Variants in RNF180 observed in about 807,000 individuals in gnomAD.
RNF180 encodes the protein E3 ubiquitin-protein ligase RNF180.
RNF180 carries 38 observed loss-of-function variants against 59.2 expected under a neutral mutation model. The observed-to-expected ratio is 0.64, with a 90% CI of 0.50 to 0.84. The LOEUF is 0.84. RNF180 is among the 40% of genes least tolerant of loss of function. RNF180 has a pLI of 0.00. For missense variants in RNF180, 705 were observed against 700.9 expected (o/e 1.01, Z -0.07); for synonymous variants, 262 against 240.3 (o/e 1.09, Z -0.84).
At chr5:64,306,549 C>CAATA (rs1743467540) in intron 5 of RNF180, among the ~76,000 whole-genome samples, 1 of 151,340 alleles carries the variant, frequency 6.6e-6, no homozygotes, top group Admixed American at 6.6e-5. Context: ...TGTGACCATA[C>CAATA]AATAGCAAAG....
chr5:64,185,829 G>A (rs1441587764), intron 1 of RNF180, among the ~76,000 whole-genome samples: 2 of 152,180 alleles, frequency 1.3e-5, no homozygotes, highest in African/African-American at 2.4e-5. Flanking sequence ...ATCTGGTGAT[G>A]CAAAGACATA....
At chr5:64,238,292 C>T (rs1742572665) in intron 5 of RNF180, among the ~76,000 whole-genome samples, 1 of 152,144 alleles carries the variant, frequency 6.6e-6, no homozygotes, top group African/African-American at 2.4e-5. Flanking sequence ...AATAGTGCTA[C>T]AGTGAACATA....
chr5:64,182,270 T>C (rs1750638053), intron 1 of RNF180, among the ~76,000 whole-genome samples: 1 of 152,140 alleles, frequency 6.6e-6, no homozygotes, highest in Non-Finnish European at 1.5e-5. Context: ...GGATTACAGC[T>C]ACTTTCTTAA....
chr5:64,269,605 T>A lies in RNF180; in HGVS notation c.1227+52209T>A, dbSNP rs1371740214. Among the ~76,000 whole-genome samples the A allele has an allele frequency of 2.6e-5, 4 of 152,144 alleles. No homozygotes were observed. In the East Asian group the frequency reaches 7.7e-4, roughly 29 times the overall value. ...CTTACTGAAGGCCCTGCTATGTTTGTCTGAGATAAATTACTCTTATAATAA... is the reference window on the plus strand; with the variant it reads ...CTTACTGAAGGCCCTGCTATGTTTGACTGAGATAAATTACTCTTATAATAA... On this transcript the variant is annotated intron_variant, in intron 5 of 7. Coordinates refer to ENST00000389100, the MANE Select transcript of RNF180 (RefSeq NM_001113561.2).
intron 5 of RNF180, among the ~76,000 whole-genome samples, chr5:64,255,966 T>C (rs1332832466): frequency 6.6e-6 from 1 of 152,252 alleles, no homozygotes; most frequent in Non-Finnish European, 1.5e-5. Flanking sequence ...ATGAGCATTT[T>C]TTCATGTGTC....
rs547207828 is a variant in RNF180, at chr5:64,345,284, G to A, written c.1579+14878G>A. Among the ~76,000 whole-genome samples, 8 of 152,216 alleles carry A rather than the reference G, an allele frequency of 5.3e-5. No individual in the cohort carries two copies. The South Asian group carries it at 8.3e-4, about 16-fold the overall frequency. ...TATGAAGGGTGCCCTCTGGAGCTCC[G>A]CAGTGCACAGCAGAAGTGTCCGTAT... On this transcript the variant is annotated intron_variant, in intron 7 of 7. Transcript: ENST00000389100.
intron 5 of RNF180, among the ~76,000 whole-genome samples, chr5:64,258,536 T>C (rs1744126083): frequency 6.6e-6 from 1 of 152,124 alleles, no homozygotes; most frequent in African/African-American, 2.4e-5. Flanking sequence ...ATTAAGGTTT[T>C]TTTTCTTTTA....
chr5:64,254,762 A>C (rs1743827247), intron 5 of RNF180, among the ~76,000 whole-genome samples: 1 of 152,200 alleles, frequency 6.6e-6, no homozygotes, highest in Admixed American at 6.6e-5. Context: ...ATGCCTAAGG[A>C]AATGTATAGA....
chr5:64,239,604 T>C (rs1561210809), intron 5 of RNF180, among the ~76,000 whole-genome samples: 1 of 152,170 alleles, frequency 6.6e-6, no homozygotes, highest in Non-Finnish European at 1.5e-5. Flanking sequence ...TAGAGGTAGC[T>C]GAATTATTAA....
Position 64,315,475 on chromosome 5 carries a change from T to G in RNF180, c.1228-9711T>G, listed in dbSNP as rs1023736884. On this transcript the variant is annotated intron_variant, in intron 5 of 7. Coordinates refer to ENST00000389100, the MANE Select transcript of RNF180 (RefSeq NM_001113561.2). ...AGATGCTTTTACTCGGCCAGCATGGTGGCTCACGCCTGTAATCTCAGCACT... is the reference window on the plus strand; with the variant it reads ...AGATGCTTTTACTCGGCCAGCATGGGGGCTCACGCCTGTAATCTCAGCACT... Among the ~76,000 whole-genome samples, 3 of 152,194 alleles carry G rather than the reference T, an allele frequency of 2.0e-5. No individual in the cohort carries two copies. In the East Asian group the frequency reaches 5.8e-4, roughly 29 times the overall value.
chr5:64,285,574 A>C (rs1159910216), intron 5 of RNF180, among the ~76,000 whole-genome samples: 2 of 152,078 alleles, frequency 1.3e-5, no homozygotes, highest in African/African-American at 4.8e-5. Context: ...TCTGATGGTT[A>C]GGTGCACTCT....
chr5:64,369,927 G>T lies in RNF180; in HGVS notation c.*113G>T. ...TTAATGTTGCATTATACAAATTGTTGATGTTTATAGAAAGCCTGAGAATAA... is the reference window on the plus strand; with the variant it reads ...TTAATGTTGCATTATACAAATTGTTTATGTTTATAGAAAGCCTGAGAATAA... On this transcript the variant is annotated 3_prime_UTR_variant, in exon 8 of 8. Transcript: ENST00000389100. The T allele has an allele frequency of 1.8e-6, 1 of 557,418 alleles. No homozygotes were observed. Among genetic ancestry groups the T allele is most frequent in the Non-Finnish European group, 3.0e-6 (1 of 334,070 alleles). 34.5% of individuals were successfully genotyped at this position (557,418 alleles called of 1,614,324 possible). A position where few individuals can be genotyped will look rare whatever the true frequency, so the allele number is the denominator to read the frequency against.
At chr5:64,340,457 A>G (rs1400522142) in intron 7 of RNF180, among the ~76,000 whole-genome samples, 1 of 152,234 alleles carries the variant, frequency 6.6e-6, no homozygotes, top group Admixed American at 6.5e-5. Context: ...CATGCTCAGT[A>G]TAAATCAAAG....
chr5:64,212,233 A>G (rs1752349394), intron 3 of RNF180, 73 bp downstream of exon 3: 11 of 899,824 alleles, frequency 1.2e-5, no homozygotes, highest in Non-Finnish European at 1.8e-5. Flanking sequence ...TTTTAGAGCT[A>G]TTTTTCTTAG....
chr5:64,315,561 A>G (rs1453370863), intron 5 of RNF180, among the ~76,000 whole-genome samples: 2 of 151,992 alleles, frequency 1.3e-5, no homozygotes, highest in African/African-American at 4.8e-5. Context: ...CATGACCAAC[A>G]TGGTGAAACC....
At chr5:64,263,144 AT>A (rs1222114000) in intron 5 of RNF180, among the ~76,000 whole-genome samples, 1 of 152,192 alleles carries the variant, frequency 6.6e-6, no homozygotes, top group Middle Eastern at 3.2e-3. Context: ...TATTCAGGGG[AT>A]TAATAAAATT....
chr5:64,312,800 AC>A (rs1386611994), intron 5 of RNF180, among the ~76,000 whole-genome samples: 1 of 152,012 alleles, frequency 6.6e-6, no homozygotes, highest in East Asian at 1.9e-4. Context: ...TACAAAGAAA[AC>A]ACAGGAACCT....
chr5:64,240,593 C>G (rs1287932970), intron 5 of RNF180, among the ~76,000 whole-genome samples: 1 of 152,168 alleles, frequency 6.6e-6, no homozygotes, highest in Non-Finnish European at 1.5e-5. Context: ...TGATGATTCC[C>G]TAAAAGTGTG....
chr5:64,323,723 AT>A (rs1380476635), intron 5 of RNF180, among the ~76,000 whole-genome samples: 1 of 152,134 alleles, frequency 6.6e-6, no homozygotes, highest in Non-Finnish European at 1.5e-5. Flanking sequence ...CGTGGCTAAC[AT>A]TTTTTGATAA....
Sources: gnomAD v4.1 joint callset for allele counts (sites outside exome capture counted in the v4.1 genomes callset) on GRCh38, gnomAD v4.1.1 for gene constraint, MANE v1.5 for transcripts, NCBI Gene and HGNC (gene_info 2026-07-23, HGNC 2026-07-21) for gene names.